Variants in PDCD10 observed in about 807,000 individuals in gnomAD.
The protein encoded by PDCD10 is programmed cell death protein 10.
PDCD10 carries 4 observed loss-of-function variants against 29.2 expected under a neutral mutation model. That is an observed-to-expected ratio of 0.14 (90% CI 0.07 to 0.31). The LOEUF is 0.31. PDCD10 is among the 10% of genes least tolerant of loss of function. The pLI, the probability that PDCD10 is intolerant of heterozygous loss-of-function variation, is 1.00. For synonymous variants in PDCD10, 70 were observed against 82.2 expected, an observed-to-expected ratio of 0.85 and a Z score of 0.80; for missense variants, 183 against 257.9, an observed-to-expected ratio of 0.71 and a Z score of 1.99.
chr3:167,688,201 CATAAA>C (rs1368846077), intron 6 of PDCD10, among the ~76,000 whole-genome samples: 1 of 152,132 alleles, frequency 6.6e-6, no homozygotes, highest in Non-Finnish European at 1.5e-5. Flanking sequence ...TGATGTTTAA[CATAAA>C]ATATTTCCTC....
At chr3:167,732,781 G>C (rs9290318) in intron 2 of PDCD10, among the ~76,000 whole-genome samples, 34,627 of 152,052 alleles carry the variant, frequency 0.23, 4,128 homozygotes, top group Non-Finnish European at 0.26. Flanking sequence ...TTCAACAAAA[G>C]GCAAATACCT....
chr3:167,688,013 C>T (rs1719810968), intron 6 of PDCD10, among the ~76,000 whole-genome samples: 1 of 152,158 alleles, frequency 6.6e-6, no homozygotes, highest in African/African-American at 2.4e-5. Context: ...ATAAACATTA[C>T]CTATGCCTGT....
At chr3:167,686,617 T>A (rs1299853368) in intron 8 of PDCD10, among the ~76,000 whole-genome samples, 2 of 152,272 alleles carry the variant, frequency 1.3e-5, no homozygotes, top group East Asian at 1.9e-4. Flanking sequence ...ACCTGAAAAT[T>A]TCTAAGAAAT....
intron 4 of PDCD10, 49 bp from the exon 5 acceptor site, chr3:167,697,175 T>C: frequency 5.0e-6 from 5 of 996,122 alleles, no homozygotes; most frequent in Non-Finnish European, 8.0e-6. Context: ...GGAATCAACA[T>C]TTTAAAGCCA....
At chr3:167,695,767 C>A (rs374053799) in intron 5 of PDCD10, 45 bp from the exon 6 acceptor site, 4 of 1,585,624 alleles carry the variant, frequency 2.5e-6, no homozygotes, top group Non-Finnish European at 3.5e-6. Context: ...CGACTCTCTG[C>A]CAAATTCATC....
Position 167,686,194 on chromosome 3 carries a change from C to T in PDCD10, c.557+1040G>A, listed in dbSNP as rs559384203. The stretch of plus-strand genomic sequence containing the variant: ...CTTGAAGTGCAAATAACTACCTATA[C>T]GGCCAGACTTTCCATCAGTTTATAC... On this transcript the variant is annotated intron_variant, in intron 8 of 8. Transcript: ENST00000392750. Among the ~76,000 whole-genome samples, 9 of 152,244 alleles carry T rather than the reference C, an allele frequency of 5.9e-5. No homozygotes were observed. In the East Asian group the frequency reaches 1.2e-3, roughly 20 times the overall value.
Position 167,724,403 on chromosome 3 carries a change from TTGAC to T in PDCD10, c.-116-4134_-116-4131del, listed in dbSNP as rs758926646. On this transcript the variant is annotated intron_variant, in intron 2 of 8. Transcript: ENST00000392750. ...CTCTCTCTAAAAAGGGAAAGATTGA[TTGAC>T]TGACTGATGTATGCTGGATCTCCAA... Among the ~76,000 whole-genome samples, 43 of 152,322 alleles carry T rather than the reference TTGAC, an allele frequency of 2.8e-4. 1 individual carries two copies. The highest frequency in any genetic ancestry group is 9.1e-4 in the Admixed American group (14 of 15,306).
chr3:167,718,151 A>C (rs1340370902), intron 3 of PDCD10, among the ~76,000 whole-genome samples: 1 of 152,158 alleles, frequency 6.6e-6, no homozygotes, highest in Non-Finnish European at 1.5e-5. Flanking sequence ...TAGGTTACTC[A>C]CTAGCTTATA....
chr3:167,700,579 C>G (rs1189678803), intron 4 of PDCD10, among the ~76,000 whole-genome samples: 1 of 151,942 alleles, frequency 6.6e-6, no homozygotes, highest in Non-Finnish European at 1.5e-5. Flanking sequence ...ACCTTTTTGT[C>G]TCCTGTTGAA....
At chr3:167,690,528 A>G (rs1720112588) in intron 6 of PDCD10, among the ~76,000 whole-genome samples, 1 of 152,222 alleles carries the variant, frequency 6.6e-6, no homozygotes, top group Non-Finnish European at 1.5e-5. Context: ...TTAAATCACG[A>G]GTCTCCACTA....
At chr3:167,685,696 T>C (rs1719546725) in intron 8 of PDCD10, among the ~76,000 whole-genome samples, 1 of 152,198 alleles carries the variant, frequency 6.6e-6, no homozygotes, top group Non-Finnish European at 1.5e-5. Flanking sequence ...TTGTGCTTAT[T>C]CCATAATAGT....
chr3:167,711,205 AAC>A (rs1370698091), intron 3 of PDCD10, among the ~76,000 whole-genome samples: 1 of 152,246 alleles, frequency 6.6e-6, no homozygotes, highest in East Asian at 1.9e-4. Context: ...ATCCTGCAGA[AAC>A]ACAGATATGT....
At chr3:167,687,112 A>G in intron 8 of PDCD10, 122 bp downstream of exon 8, 1 of 601,736 alleles carries the variant, frequency 1.7e-6, no homozygotes, top group South Asian at 2.2e-5. Flanking sequence ...GTCTGCCTTC[A>G]TTATCAGTTG....
intron 6 of PDCD10, among the ~76,000 whole-genome samples, chr3:167,687,938 C>T (rs893390725): frequency 2.0e-5 from 3 of 152,142 alleles, no homozygotes; most frequent in Non-Finnish European, 4.4e-5. Context: ...AGGTTGCCAA[C>T]CAAGACCAAC....
chr3:167,734,106 GTC>G (rs1284096303), intron 2 of PDCD10, 106 bp downstream of exon 2: 1 of 152,168 alleles, frequency 6.6e-6, no homozygotes, highest in African/African-American at 2.4e-5. Context: ...GATTCAGAAA[GTC>G]TGTCCCTACG....
At chr3:167,723,404 T>C (rs1200279159) in intron 2 of PDCD10, among the ~76,000 whole-genome samples, 3 of 152,032 alleles carry the variant, frequency 2.0e-5, no homozygotes, top group Non-Finnish European at 4.4e-5. Flanking sequence ...ATTAACAAAA[T>C]TTCAACCCTC....
chr3:167,721,955 AAAG>A (rs2108489019), intron 2 of PDCD10, among the ~76,000 whole-genome samples: 1 of 152,290 alleles, frequency 6.6e-6, no homozygotes, highest in Admixed American at 6.5e-5. Context: ...TAATAAGCAA[AAAG>A]AAGTAGATAA....
intron 3 of PDCD10, among the ~76,000 whole-genome samples, chr3:167,715,670 T>C (rs966545364): frequency 2.6e-5 from 4 of 152,060 alleles, no homozygotes; most frequent in Non-Finnish European, 5.9e-5. Flanking sequence ...GTGCTCAACA[T>C]CATAGACCAT....
In PDCD10 at chr3:167,684,355, T is replaced by C; in HGVS notation, c.592A>G (p.Ile198Val). Reference sequence around the variant, plus strand: ...TGAAGTATTAAGTTGGTTTGATGAATTAGTCGGTTGGCACTTACGAACACA... The same window carrying C: ...TGAAGTATTAAGTTGGTTTGATGAACTAGTCGGTTGGCACTTACGAACACA... Reference protein sequence around the residue: ...INVFVSANRLIHQTNLILQTF... With the variant: ...INVFVSANRLVHQTNLILQTF... The change falls in exon 9 of 9, where the codon ATT (isoleucine) becomes GTT (valine). Residue 198 changes from isoleucine to valine, a missense_variant. Physicochemically the swap from Ile to Val is conservative, Grantham distance 29. Coordinates refer to ENST00000392750, the MANE Select transcript of PDCD10 (RefSeq NM_007217.4). 6.2e-7 allele frequency: 1 copy of C among 1,608,056 alleles called. No individual in the cohort carries two copies. The highest frequency in any genetic ancestry group is 8.5e-7 in the Non-Finnish European group (1 of 1,174,838).
Sources: gnomAD v4.1 joint callset for allele counts (sites outside exome capture counted in the v4.1 genomes callset) on GRCh38, gnomAD v4.1.1 for gene constraint, MANE v1.5 for transcripts, NCBI Gene and HGNC (gene_info 2026-07-23, HGNC 2026-07-21) for gene names.